The following OR2B11 variants were observed in gnomAD, a reference collection of about 807,000 sequenced individuals.
OR2B11 encodes olfactory receptor 2B11.
For synonymous variants in OR2B11, 198 were observed against 174.5 expected, an observed-to-expected ratio of 1.13 and a Z score of -1.06; for missense variants, 422 against 400.0, an observed-to-expected ratio of 1.05 and a Z score of -0.47.
At position 247,452,094 on chromosome 1, in the gene OR2B11, G is replaced by T; in HGVS notation, c.-112C>A. ...CTTGCATCCACTCTTCCTTTCCCAG[G>T]TGATAGCCTGTTTGATTCTCCTTAC... On this transcript the variant is annotated 5_prime_UTR_variant, in exon 2 of 2. Coordinates refer to ENST00000641149, the MANE Select transcript of OR2B11 (RefSeq NM_001004492.2). 1.5e-6 allele frequency: 1 copy of T among 689,334 alleles called. No homozygotes were observed. The highest frequency in any genetic ancestry group is 2.7e-5 in the East Asian group (1 of 36,904). 42.7% of individuals were successfully genotyped at this position (689,334 alleles called of 1,614,324 possible). A position where few individuals can be genotyped will look rare whatever the true frequency, so the allele number is the denominator to read the frequency against.
intron 1 of OR2B11, among the ~76,000 whole-genome samples, chr1:247,455,619 C>G (rs932557624): frequency 6.6e-6 from 1 of 152,136 alleles, no homozygotes; most frequent in Admixed American, 6.5e-5. Context: ...GGCACAGGGG[C>G]TTGAGAGCAC....
chr1:247,455,529 T>C (rs1385494534), intron 1 of OR2B11, among the ~76,000 whole-genome samples: 1 of 152,226 alleles, frequency 6.6e-6, no homozygotes, highest in Non-Finnish European at 1.5e-5. Flanking sequence ...CCCTTTCTCC[T>C]TATTTGTTTG....
At chr1:247,456,249 C>G (rs1197174877) in intron 1 of OR2B11, among the ~76,000 whole-genome samples, 2 of 152,204 alleles carry the variant, frequency 1.3e-5, no homozygotes, top group Non-Finnish European at 2.9e-5. Flanking sequence ...TCATAAGCCT[C>G]TGGATGTCAT....
At chr1:247,455,446 T>C (rs1217475436) in intron 1 of OR2B11, among the ~76,000 whole-genome samples, 1 of 152,210 alleles carries the variant, frequency 6.6e-6, no homozygotes, top group Non-Finnish European at 1.5e-5. Context: ...TAGCAGTATT[T>C]TCCTGAACTG....
chr1:247,450,770 T>G lies in OR2B11; in HGVS notation c.*259A>C, dbSNP rs1342054268. The G allele has an allele frequency of 3.2e-6, 1 of 313,284 alleles. No homozygotes were observed. Among genetic ancestry groups the G allele is most frequent in the Non-Finnish European group, 5.8e-6 (1 of 172,362 alleles). 19.4% of individuals were successfully genotyped at this position (313,284 alleles called of 1,614,324 possible). On this transcript the variant is annotated 3_prime_UTR_variant, in exon 2 of 2. Transcript: ENST00000641149. ...GGAAAAGAGAAAAGAATCAGGAAAT[T>G]GGAAGTGAAATAATTCCACACATAC...
chr1:247,451,260 G>T lies in OR2B11; in HGVS notation c.723C>A (p.Ala241=). ...TCAGGTGGGAGGAACACGTCCCAAAGGCCTTGTGTCGTCCCTTGGAGGACT... is the reference window on the plus strand; with the variant it reads ...TCAGGTGGGAGGAACACGTCCCAAATGCCTTGTGTCGTCCCTTGGAGGACT... ...RIQSSKGRHK[A]FGTCSSHLMI... Residue 241 remains alanine, a synonymous_variant, in exon 2 of 2, where the codon GCC becomes GCA. Coordinates refer to ENST00000641149, the MANE Select transcript of OR2B11 (RefSeq NM_001004492.2). 4.3e-6 allele frequency: 7 copies of T among 1,612,560 alleles called. No individual in the cohort carries two copies. Among genetic ancestry groups the T allele is most frequent in the Non-Finnish European group, 5.9e-6 (7 of 1,178,776 alleles).
rs549916218 is a variant in OR2B11 at position 247,452,404 on chromosome 1, T to C, written c.-422A>G. The stretch of plus-strand genomic sequence containing the variant: ...ACCGTCAGAGTGTTTGATTTCTCTC[T>C]ACATCCACATCGACAAGGAATTGTC... On this transcript the variant is annotated 5_prime_UTR_variant, in exon 2 of 2. It removes the in-frame stop codon of an upstream open reading frame in the 5' UTR. Transcript: ENST00000641149. 1 of 171,470 alleles carries C rather than the reference T, an allele frequency of 5.8e-6. No individual in the cohort carries two copies. Among genetic ancestry groups the C allele is most frequent in the African/African-American group, 2.4e-5 (1 of 41,962 alleles). The allele number at this position is 171,470 out of a possible 1,614,324, so 10.6% of individuals were successfully genotyped here. A position where few individuals can be genotyped will look rare whatever the true frequency, so the allele number is the denominator to read the frequency against.
intron 1 of OR2B11, among the ~76,000 whole-genome samples, chr1:247,456,571 A>AT (rs1405593551): frequency 6.7e-6 from 1 of 150,122 alleles, no homozygotes; most frequent in Non-Finnish European, 1.5e-5. Context: ...CAATATGTTA[A>AT]TTTTTTACTT....
At position 247,452,140 on chromosome 1, in the gene OR2B11, G is replaced by A. The variant is rs887440929; in HGVS notation, c.-158C>T. ...CTTACCTCTGTGGAGACGCTGGGAT[G>A]CGGAAGGGTCAGAACCAGGAGCCCC... is the stretch of plus-strand genomic sequence containing the variant. On this transcript the variant is annotated 5_prime_UTR_variant, in exon 2 of 2. Coordinates refer to ENST00000641149, the MANE Select transcript of OR2B11 (RefSeq NM_001004492.2). The A allele has an allele frequency of 2.3e-5, 14 of 609,076 alleles. No homozygotes were observed. The highest frequency in any genetic ancestry group is 3.8e-5 in the Non-Finnish European group (13 of 345,034). The allele number at this position is 609,076 out of a possible 1,614,324, so 37.7% of individuals were successfully genotyped here.
In OR2B11 at chr1:247,449,760, G is replaced by T. The variant is rs1159868977; in HGVS notation, c.*1269C>A. 1 of 152,136 alleles carries T rather than the reference G, an allele frequency of 6.6e-6. No homozygotes were observed. Among genetic ancestry groups the T allele is most frequent in the Non-Finnish European group, 1.5e-5 (1 of 68,028 alleles). 9.4% of individuals were successfully genotyped at this position (152,136 alleles called of 1,614,324 possible). A position where few individuals can be genotyped will look rare whatever the true frequency, so the allele number is the denominator to read the frequency against. On this transcript the variant is annotated 3_prime_UTR_variant, in exon 2 of 2. Coordinates refer to ENST00000641149, the MANE Select transcript of OR2B11 (RefSeq NM_001004492.2). The stretch of plus-strand genomic sequence containing the variant: ...TAGCACTTCTGAGCAGCACCAACTG[G>T]AGACTGGGTTTCTGCATCTTGGTGA...
In OR2B11 at chr1:247,451,062, T is replaced by C; in HGVS notation, c.921A>G (p.Arg307=). Residue 307 remains arginine, a synonymous_variant, in exon 2 of 2, where the codon AGA becomes AGG. Transcript: ENST00000641149. ...AGAGCCTCCAGATCCTGGCCAGAAG[T>C]CTCCTCAGAGCCCCCTTCATATCTT... ...RNKDMKGALR[R]LLARIWRLCG 6.6e-7 allele frequency: 1 copy of C among 1,504,466 alleles called. No homozygotes were observed. Among genetic ancestry groups the C allele is most frequent in the Non-Finnish European group, 8.9e-7 (1 of 1,126,806 alleles). 93.2% of individuals were successfully genotyped at this position (1,504,466 alleles called of 1,614,324 possible). A position where few individuals can be genotyped will look rare whatever the true frequency, so the allele number is the denominator to read the frequency against.
Position 247,451,911 on chromosome 1 carries a change from C to T in OR2B11, c.72G>A (p.Arg24=). 6.2e-7 allele frequency: 1 copy of T among 1,614,022 alleles called. No individual in the cohort carries two copies. The highest frequency in any genetic ancestry group is 8.5e-7 in the Non-Finnish European group (1 of 1,180,008). ...KAFILLGVSD[R]PWLELPLFVV... is the part of the protein sequence containing the mutation. ...CAAAGAGAGGGAGTTCCAGCCACGG[C>T]CTGTCAGACACACCCAGAAGGATGA... is the stretch of plus-strand genomic sequence containing the variant. The change falls in exon 2 of 2, where the codon AGG becomes AGA. Residue 24 remains arginine, a synonymous_variant. Coordinates refer to ENST00000641149, the MANE Select transcript of OR2B11 (RefSeq NM_001004492.2).
chr1:247,456,687 T>A (rs1664971068), intron 1 of OR2B11, among the ~76,000 whole-genome samples: 2 of 151,994 alleles, frequency 1.3e-5, no homozygotes, highest in Admixed American at 1.3e-4. Context: ...GGTATACACG[T>A]GCCATGGTTG....
Position 247,451,173 on chromosome 1 carries a change from G to A in OR2B11, c.810C>T (p.Tyr270=), listed in dbSNP as rs1664834299. 6.4e-7 allele frequency: 1 copy of A among 1,553,994 alleles called. No individual in the cohort carries two copies. ...AAATAAATTTGCCCTGCTCTTGGGA[G>A]TAGCTGGAAGGGGGCTGCAGATACA... ...IYMYLQPPSS[Y]SQEQGKFISL... Residue 270 remains tyrosine, a synonymous_variant, in exon 2 of 2, where the codon TAC becomes TAT. Transcript: ENST00000641149.
In OR2B11 at chr1:247,454,181, G is replaced by GCA. The variant is rs907840139; in HGVS notation, c.-2201_-2200dup. 3.3e-3 allele frequency: 62 copies of GCA among 18,818 alleles called. No individual in the cohort carries two copies. Among genetic ancestry groups the GCA allele is most frequent in the African/African-American group, 3.8e-3 (56 of 14,886 alleles). The allele number at this position is 18,818 out of a possible 1,614,324, so 1.2% of individuals were successfully genotyped here. A position where few individuals can be genotyped will look rare whatever the true frequency, so the allele number is the denominator to read the frequency against. ...CACACACATGCATGCACGTGCACAC[G>GCA]CACACACACACACACACACACACAC... On this transcript the variant is annotated 5_prime_UTR_variant, in exon 2 of 2. An upstream open reading frame in the 5' UTR gains an earlier in-frame stop. Coordinates refer to ENST00000641149, the MANE Select transcript of OR2B11 (RefSeq NM_001004492.2).
intron 1 of OR2B11, 48 bp from the exon 2 acceptor site, chr1:247,455,112 A>G (rs1664939005): frequency 2.0e-5 from 3 of 152,144 alleles, no homozygotes; most frequent in African/African-American, 7.2e-5. Context: ...CTCTATATCT[A>G]TATCATCTAC....
chr1:247,453,814 T>C lies in OR2B11; in HGVS notation c.-1832A>G, dbSNP rs2103267281. 1 of 152,348 alleles carries C rather than the reference T, an allele frequency of 6.6e-6. No homozygotes were observed. Among genetic ancestry groups the C allele is most frequent in the Non-Finnish European group, 1.5e-5 (1 of 68,030 alleles). 9.4% of individuals were successfully genotyped at this position (152,348 alleles called of 1,614,324 possible). On this transcript the variant is annotated 5_prime_UTR_variant, in exon 2 of 2. In the 5' UTR this introduces an upstream ATG that the reference lacks. Transcript: ENST00000641149. ...TAATAATAACTTGATGTTGCCTTAA[T>C]ATCTCAGCAAGGTCCATGTTTTCAC...
At chr1:247,456,988 G>A (rs193246017) in intron 1 of OR2B11, among the ~76,000 whole-genome samples, 1 of 152,148 alleles carries the variant, frequency 6.6e-6, no homozygotes, top group Non-Finnish European at 1.5e-5. Flanking sequence ...AGAGTCCTCA[G>A]CCTCGTCAGT....
rs148533650 is a variant in OR2B11 at position 247,457,376 on chromosome 1, C to A, written c.-3083+263G>T. On this transcript the variant is annotated intron_variant, in intron 1 of 1. Transcript: ENST00000641149. ...GTCCCCACACACTGTGTGCAGCGTCCACTGTTCAGATGAGTGTCAGACAGC... is the reference window on the plus strand; with the variant it reads ...GTCCCCACACACTGTGTGCAGCGTCAACTGTTCAGATGAGTGTCAGACAGC... Among the ~76,000 whole-genome samples the A allele has an allele frequency of 1.4e-4, 22 of 152,260 alleles. No individual in the cohort carries two copies. The East Asian group carries it at 3.5e-3, about 24-fold the overall frequency.
Sources: gnomAD v4.1 joint callset for allele counts (sites outside exome capture counted in the v4.1 genomes callset) on GRCh38, gnomAD v4.1.1 for gene constraint, MANE v1.5 for transcripts, NCBI Gene and HGNC (gene_info 2026-07-23, HGNC 2026-07-21) for gene names.